MMAA: variants seen among roughly 807,000 people sequenced by gnomAD.
The protein encoded by MMAA is methylmalonic aciduria type A protein, mitochondrial.
In MMAA, 41 loss-of-function variants were observed where a neutral mutation model predicts 45.0. That is an observed-to-expected ratio of 0.91 (90% CI 0.71 to 1.18). The LOEUF is 1.18. MMAA is among the 50% of genes most tolerant of loss of function. The pLI is 0.00. For missense variants in MMAA, 460 were observed against 495.7 expected (o/e 0.93, Z 0.68); for synonymous variants, 154 against 178.2 (o/e 0.86, Z 1.08).
At position 145,659,727 on chromosome 4, in the gene MMAA, A is replaced by G. The variant is rs1218919002; in HGVS notation, c.*4293A>G. The G allele has an allele frequency of 2.6e-5, 4 of 152,202 alleles. No homozygotes were observed. Among genetic ancestry groups the G allele is most frequent in the Non-Finnish European group, 5.9e-5 (4 of 68,042 alleles). 9.4% of individuals were successfully genotyped at this position (152,202 alleles called of 1,614,324 possible). On this transcript the variant is annotated 3_prime_UTR_variant, in exon 7 of 7. Coordinates refer to ENST00000649156, the MANE Select transcript of MMAA (RefSeq NM_172250.3). ...TATGGGGGCACAATTTGATGTTTCA[A>G]TACATGTATATGTTGTGTAATGATC...
chr4:145,622,745 A>G (rs1734114728), intron 1 of MMAA, among the ~76,000 whole-genome samples: 1 of 152,250 alleles, frequency 6.6e-6, no homozygotes, highest in African/African-American at 2.4e-5. Flanking sequence ...AAGAAACTAC[A>G]GAGTTAGCTG....
At position 145,657,029 on chromosome 4, in the gene MMAA, G is replaced by A. The variant is rs1728252559; in HGVS notation, c.*1595G>A. 6.6e-6 allele frequency: 1 copy of A among 152,138 alleles called. No individual in the cohort carries two copies. The highest frequency in any genetic ancestry group is 2.1e-4 in the South Asian group (1 of 4,826). The allele number at this position is 152,138 out of a possible 1,614,324, so 9.4% of individuals were successfully genotyped here. ...ACTGGTTTTTAGAAACCTGAGAGAA[G>A]GAATTTTATAATTTCCCTGAGTAAG... On this transcript the variant is annotated 3_prime_UTR_variant, in exon 7 of 7. Transcript: ENST00000649156.
chr4:145,640,949 T>G (rs1283926885), intron 2 of MMAA, among the ~76,000 whole-genome samples: 1 of 152,198 alleles, frequency 6.6e-6, no homozygotes, highest in Non-Finnish European at 1.5e-5. Context: ...TTTTAAAATT[T>G]CATGTTACAT....
rs1480262003 is a variant in MMAA, at chr4:145,642,379, T to A, written c.456T>A (p.Pro152=). The A allele has an allele frequency of 1.2e-6, 2 of 1,613,954 alleles. No homozygotes were observed. Among genetic ancestry groups the A allele is most frequent in the African/African-American group, 2.7e-5 (2 of 74,948 alleles). The change falls in exon 3 of 7, where the codon CCT becomes CCA. Residue 152 remains proline, a synonymous_variant. Coordinates refer to ENST00000649156, the MANE Select transcript of MMAA (RefSeq NM_172250.3). ...CCACCGTAGGATTGTCTGGGCCCCCTGGTGCTGGAAAATCAACATTTATAG... is the reference window on the plus strand; with the variant it reads ...CCACCGTAGGATTGTCTGGGCCCCCAGGTGCTGGAAAATCAACATTTATAG... ...LAFRVGLSGP[P]GAGKSTFIEY...
rs138548269 is a variant in MMAA at position 145,650,848 on chromosome 4, G to A, written c.734-214G>A. 785 of 575,894 alleles carry A rather than the reference G, an allele frequency of 1.4e-3. 4 individuals carry two copies. In the Middle Eastern group the frequency reaches 0.02, roughly 15 times the overall value. 35.7% of individuals were successfully genotyped at this position (575,894 alleles called of 1,614,324 possible). A position where few individuals can be genotyped will look rare whatever the true frequency, so the allele number is the denominator to read the frequency against. On this transcript the variant is annotated intron_variant, in intron 4 of 6. Transcript: ENST00000649156. Reference sequence around the variant, plus strand: ...TAGGTTCTCCATTCAATCCAAGAACGGAGCGGGAGAGCTGGGAAGGATAAC... The same window carrying A: ...TAGGTTCTCCATTCAATCCAAGAACAGAGCGGGAGAGCTGGGAAGGATAAC...
In MMAA at chr4:145,639,291, G is replaced by A. The variant is rs769983308; in HGVS notation, c.152G>A (p.Cys51Tyr). ...AQPFNSLGLH[C>Y]TKWMLLSDGL... is the part of the protein sequence containing the mutation. Reference sequence around the variant, plus strand: ...CCGTTTAATTCTCTTGGACTCCATTGTACAAAGTGGATGCTGCTGTCAGAT... The same window carrying A: ...CCGTTTAATTCTCTTGGACTCCATTATACAAAGTGGATGCTGCTGTCAGAT... Residue 51 changes from cysteine to tyrosine, a missense_variant, in exon 2 of 7, where the codon TGT (cysteine) becomes TAT (tyrosine). Cys to Tyr is a radical substitution (Grantham distance 194). Coordinates refer to ENST00000649156, the MANE Select transcript of MMAA (RefSeq NM_172250.3). 5 of 1,614,152 alleles carry A rather than the reference G, an allele frequency of 3.1e-6. No homozygotes were observed. The highest frequency in any genetic ancestry group is 2.2e-5 in the South Asian group (2 of 91,074).
chr4:145,642,628 G>C, intron 3 of MMAA, 143 bp downstream of exon 3: 1 of 1,187,596 alleles, frequency 8.4e-7, no homozygotes. Flanking sequence ...AGAGTTAGGT[G>C]GAAGCTGAGA....
At position 145,652,972 on chromosome 4, in the gene MMAA, C is replaced by T. The variant is rs180908000; in HGVS notation, c.820-1022C>T. On this transcript the variant is annotated intron_variant, in intron 5 of 6. Coordinates refer to ENST00000649156, the MANE Select transcript of MMAA (RefSeq NM_172250.3). The stretch of plus-strand genomic sequence containing the variant: ...GTAACCTTGAACTCCTGGGCTCAAG[C>T]TACCCTCCTGCCTCAGCCTCCCAGG... Among the ~76,000 whole-genome samples, 639 of 152,028 alleles carry T rather than the reference C, an allele frequency of 4.2e-3. 3 individuals carry two copies. The highest frequency in any genetic ancestry group is 7.3e-3 in the Non-Finnish European group (494 of 67,964).
intron 1 of MMAA, chr4:145,626,030 A>G: frequency 7.6e-7 from 1 of 1,315,912 alleles, no homozygotes; most frequent in Non-Finnish European, 1.1e-6. Context: ...CTTGGAAGGT[A>G]TTCATTCTGC....
At chr4:145,624,249 A>G (rs1163912256) in intron 1 of MMAA, 2 of 803,952 alleles carry the variant, frequency 2.5e-6, no homozygotes, top group Non-Finnish European at 4.5e-6. Context: ...CAGGGAGGCC[A>G]TAATGGTCTG....
intron 4 of MMAA, chr4:145,650,538 T>G (rs1459741695): frequency 6.1e-6 from 1 of 163,576 alleles, no homozygotes; most frequent in Non-Finnish European, 1.3e-5. Flanking sequence ...TTAGGGAGAT[T>G]GCTTTTGCCA....
At chr4:145,635,016 A>G (rs1727573275) in intron 1 of MMAA, among the ~76,000 whole-genome samples, 1 of 151,660 alleles carries the variant, frequency 6.6e-6, no homozygotes, top group South Asian at 2.1e-4. Context: ...GCAGCCTGGG[A>G]TTAGGGAAGG....
intron 3 of MMAA, among the ~76,000 whole-genome samples, chr4:145,645,349 A>C (rs1454280452): frequency 6.6e-6 from 1 of 152,190 alleles, no homozygotes; most frequent in South Asian, 2.1e-4. Flanking sequence ...ATGAAGGAGC[A>C]AGGACTTTTA....
chr4:145,629,722 G>A (rs1433764213), intron 1 of MMAA, among the ~76,000 whole-genome samples: 1 of 152,214 alleles, frequency 6.6e-6, no homozygotes, highest in African/African-American at 2.4e-5. Context: ...AAGGCAAGAA[G>A]GAGCAAGTCC....
rs1728166357 is a variant in MMAA, at chr4:145,654,102, C to G, written c.928C>G (p.Leu310Val). ...GATACAAGCGGAATATGTGAGTGCA[C>G]TGAAATTACTCCGCAAACGTTCACA... is the stretch of plus-strand genomic sequence containing the variant. ...RRIQAEYVSA[L>V]KLLRKRSQVW... The change falls in exon 6 of 7, where the codon CTG (leucine) becomes GTG (valine). Residue 310 changes from leucine (L) to valine (V), a missense_variant. By Grantham distance (32) the Leu-to-Val change is conservative. Transcript: ENST00000649156. The G allele has an allele frequency of 3.7e-6, 6 of 1,614,126 alleles. No homozygotes were observed. In the Middle Eastern group the frequency reaches 9.9e-4, roughly 266 times the overall value.
In MMAA at chr4:145,654,085, C is replaced by T. The variant is rs771873633; in HGVS notation, c.911C>T (p.Ala304Val). The change falls in exon 6 of 7, where the codon GCG (alanine) becomes GTG (valine). Residue 304 changes from alanine to valine, a missense_variant. Ala to Val is a moderately conservative substitution (Grantham distance 64, BLOSUM62 0). Transcript: ENST00000649156. The stretch of plus-strand genomic sequence containing the variant: ...ATTGTGCCAGCTCGAAGGATACAAG[C>T]GGAATATGTGAGTGCACTGAAATTA... ...DLIVPARRIQ[A>V]EYVSALKLLR... 19 of 1,613,896 alleles carry T rather than the reference C, an allele frequency of 1.2e-5. No homozygotes were observed. The African/African-American group carries it at 1.6e-4, about 14-fold the overall frequency.
At chr4:145,643,244 A>G (rs938212190) in intron 3 of MMAA, among the ~76,000 whole-genome samples, 2 of 152,190 alleles carry the variant, frequency 1.3e-5, no homozygotes, top group South Asian at 4.1e-4. Context: ...TTACTCACTT[A>G]GCAAGTATTT....
intron 5 of MMAA, among the ~76,000 whole-genome samples, chr4:145,652,572 C>CA (rs1278731838): frequency 2.0e-5 from 3 of 151,552 alleles, no homozygotes; most frequent in East Asian, 1.9e-4. Context: ...ACTAAAAATA[C>CA]AAAAAAAATT....
chr4:145,657,227 GTCA>G lies in MMAA; in HGVS notation c.*1798_*1800del, dbSNP rs879039680. ...TGAACTACTTTTAAATGTTATAAAT[GTCA>G]TCATAAAAATCATTAGAAAACTCAT... On this transcript the variant is annotated 3_prime_UTR_variant, in exon 7 of 7. Coordinates refer to ENST00000649156, the MANE Select transcript of MMAA (RefSeq NM_172250.3). 11 of 152,286 alleles carry G rather than the reference GTCA, an allele frequency of 7.2e-5. No individual in the cohort carries two copies. Among genetic ancestry groups the G allele is most frequent in the African/African-American group, 2.4e-4 (10 of 41,562 alleles). The allele number at this position is 152,286 out of a possible 1,614,324, so 9.4% of individuals were successfully genotyped here. A position where few individuals can be genotyped will look rare whatever the true frequency, so the allele number is the denominator to read the frequency against.
Sources: gnomAD v4.1 joint callset for allele counts (sites outside exome capture counted in the v4.1 genomes callset) on GRCh38, gnomAD v4.1.1 for gene constraint, MANE v1.5 for transcripts, NCBI Gene and HGNC (gene_info 2026-07-23, HGNC 2026-07-21) for gene names.